Variants in CCDC122 observed in about 807,000 individuals in gnomAD.
The protein encoded by CCDC122 is coiled-coil domain containing 122.
Under a neutral mutation model 37.0 loss-of-function variants are expected in CCDC122, and 38 were observed. That is an observed-to-expected ratio of 1.03 (90% CI 0.79 to 1.35). The LOEUF is 1.35. Among genes scored for constraint, CCDC122 ranks in the 40% most tolerant of loss-of-function variants. The pLI is 0.00. For synonymous variants in CCDC122, 83 were observed against 95.6 expected (o/e 0.87, Z 0.77); for missense variants, 305 against 310.0 (o/e 0.98, Z 0.12).
chr13:43,875,928 G>A (rs1954596116), intron 1 of CCDC122, among the ~76,000 whole-genome samples: 2 of 152,170 alleles, frequency 1.3e-5, no homozygotes, highest in South Asian at 4.1e-4. Context: ...TCATTTGATT[G>A]ATCTTCATTT....
intron 5 of CCDC122, 61 bp downstream of exon 5, chr13:43,859,611 T>C (rs1050267760): frequency 1.2e-5 from 15 of 1,220,774 alleles, no homozygotes; most frequent in Non-Finnish European, 1.5e-5. Context: ...TATCATTTAA[T>C]GTATGTACTT....
intron 4 of CCDC122, among the ~76,000 whole-genome samples, chr13:43,862,618 T>A (rs1051798747): frequency 3.9e-5 from 6 of 152,150 alleles, no homozygotes; most frequent in Non-Finnish European, 7.4e-5. Flanking sequence ...ATTACCACCA[T>A]CTTCCCACTG....
intron 1 of CCDC122, among the ~76,000 whole-genome samples, chr13:43,878,416 G>T (rs1387908706): frequency 2.0e-5 from 3 of 152,194 alleles, no homozygotes; most frequent in African/African-American, 7.2e-5. Flanking sequence ...TAGGGTTATT[G>T]AAGGGTGGGT....
chr13:43,878,621 T>C (rs1321242343), intron 1 of CCDC122, among the ~76,000 whole-genome samples: 3 of 152,336 alleles, frequency 2.0e-5, no homozygotes, highest in Non-Finnish European at 2.9e-5. Flanking sequence ...CCATTTCTCT[T>C]ACTCTTGGAA....
Position 43,869,449 on chromosome 13 carries a change from A to T in CCDC122, c.-73T>A. On this transcript the variant is annotated 5_prime_UTR_variant, in exon 3 of 7. Transcript: ENST00000444614. ...CTCCTACTCAATAATCTATATTGATAATCTTTCACTTTTGTTTTTTCCTGT... is the reference window on the plus strand; with the variant it reads ...CTCCTACTCAATAATCTATATTGATTATCTTTCACTTTTGTTTTTTCCTGT... 6.4e-6 allele frequency: 8 copies of T among 1,242,398 alleles called. No individual in the cohort carries two copies. In the South Asian group the frequency reaches 1.1e-4, roughly 17 times the overall value. The allele number at this position is 1,242,398 out of a possible 1,614,324, so 77.0% of individuals were successfully genotyped here.
intron 6 of CCDC122, among the ~76,000 whole-genome samples, chr13:43,851,685 C>G (rs1042896121): frequency 1.1e-3 from 168 of 152,318 alleles, no homozygotes; most frequent in Non-Finnish European, 1.8e-4. Flanking sequence ...TATCACTGCA[C>G]TACTGAACAC....
intron 6 of CCDC122, among the ~76,000 whole-genome samples, chr13:43,851,613 T>C (rs1953733683): frequency 6.6e-6 from 1 of 152,174 alleles, no homozygotes; most frequent in Non-Finnish European, 1.5e-5. Context: ...CTGATGAGTG[T>C]GCACCCCACT....
chr13:43,868,383 T>C lies in CCDC122; in HGVS notation c.156+311A>G, dbSNP rs965136122. Among the ~76,000 whole-genome samples, 8 of 152,140 alleles carry C rather than the reference T, an allele frequency of 5.3e-5. No homozygotes were observed. The East Asian group carries it at 1.5e-3, about 29-fold the overall frequency. ...AGCTTTACAAACACTGGCTTAAAACTTAACCTTCCTTCAATTCAGCATTTT... is the reference window on the plus strand; with the variant it reads ...AGCTTTACAAACACTGGCTTAAAACCTAACCTTCCTTCAATTCAGCATTTT... On this transcript the variant is annotated intron_variant, in intron 4 of 6. Coordinates refer to ENST00000444614, the MANE Select transcript of CCDC122 (RefSeq NM_144974.5).
intron 6 of CCDC122, among the ~76,000 whole-genome samples, chr13:43,847,138 C>T (rs1953567074): frequency 6.6e-6 from 1 of 152,104 alleles, no homozygotes. Flanking sequence ...AGATATTTTG[C>T]AGCAGTTAAA....
intron 6 of CCDC122, among the ~76,000 whole-genome samples, chr13:43,840,337 T>G (rs1594818108): frequency 6.6e-6 from 1 of 152,226 alleles, no homozygotes; most frequent in Non-Finnish European, 1.5e-5. Flanking sequence ...ACAGGTAGTA[T>G]GTGTAGTATT....
In CCDC122 at chr13:43,837,018, C is replaced by A. The variant is rs1953186447; in HGVS notation, c.*262G>T. The A allele has an allele frequency of 5.7e-6, 2 of 353,040 alleles. No homozygotes were observed. The highest frequency in any genetic ancestry group is 4.9e-5 in the East Asian group (1 of 20,374). 21.9% of individuals were successfully genotyped at this position (353,040 alleles called of 1,614,324 possible). On this transcript the variant is annotated 3_prime_UTR_variant, in exon 7 of 7. Transcript: ENST00000444614. The stretch of plus-strand genomic sequence containing the variant: ...ATTCATGAGTATAATACATTTTACA[C>A]ACTCCAAATAGTCACAGAGACTCTT...
downstream of CCDC122, among the ~76,000 whole-genome samples, chr13:43,819,430 C>G (rs781481582): frequency 7.6e-4 from 115 of 152,132 alleles, no homozygotes; most frequent in Non-Finnish European, 1.4e-3. Context: ...CAAAAGATTA[C>G]AAACAACCCA....
rs138343596 is a variant in CCDC122, at chr13:43,856,458, G to A, written c.672+2323C>T. 690 of 152,636 alleles carry A rather than the reference G, an allele frequency of 4.5e-3. 4 individuals are homozygous for A. The highest frequency in any genetic ancestry group is 5.4e-3 in the Non-Finnish European group (372 of 68,382). The allele number at this position is 152,636 out of a possible 1,614,324, so 9.5% of individuals were successfully genotyped here. A position where few individuals can be genotyped will look rare whatever the true frequency, so the allele number is the denominator to read the frequency against. ...ATCCTGGCTAACATGGTGAAACCCC[G>A]TCTCTACTAAAAATGCAAAAAATTA... On this transcript the variant is annotated intron_variant, in intron 6 of 6. Coordinates refer to ENST00000444614, the MANE Select transcript of CCDC122 (RefSeq NM_144974.5).
At chr13:43,848,905 AAG>A in intron 6 of CCDC122, 1 of 980,356 alleles carries the variant, frequency 1.0e-6, no homozygotes, top group Non-Finnish European at 1.2e-6. Flanking sequence ...AGACTCCAAA[AAG>A]AAGTAATAAA....
chr13:43,835,565 T>C (rs1268063552), downstream of CCDC122, among the ~76,000 whole-genome samples: 2 of 152,208 alleles, frequency 1.3e-5, no homozygotes, highest in Non-Finnish European at 2.9e-5. Flanking sequence ...GAAAACTACA[T>C]TAAAACTTAC....
At chr13:43,834,466 A>C (rs1428625787), downstream of CCDC122, among the ~76,000 whole-genome samples, 3 of 152,246 alleles carry the variant, frequency 2.0e-5, no homozygotes, top group Non-Finnish European at 4.4e-5. Flanking sequence ...AATGGGATCT[A>C]ATTAAACTAA....
chr13:43,854,151 G>C (rs1953831271), intron 6 of CCDC122: 1 of 40,060 alleles, frequency 2.5e-5, no homozygotes, highest in Admixed American at 2.4e-4. Context: ...GAAGGAGACT[G>C]AGACCAAAAA....
Position 43,853,715 on chromosome 13 carries a change from TTC to T in CCDC122, c.672+5064_672+5065del, listed in dbSNP as rs1422950523. 6.6e-5 allele frequency among the ~76,000 whole-genome samples: 10 copies of T among 152,302 alleles called. No individual in the cohort carries two copies. The East Asian group carries it at 1.9e-3, about 29-fold the overall frequency. ...TATTCTCATCGCCACATGGCACATA[TTC>T]TAAAATTAATCACATAATCAGAAAT... is the stretch of plus-strand genomic sequence containing the variant. On this transcript the variant is annotated intron_variant, in intron 6 of 6. Coordinates refer to ENST00000444614, the MANE Select transcript of CCDC122 (RefSeq NM_144974.5).
chr13:43,877,226 C>G (rs992050142), intron 1 of CCDC122, among the ~76,000 whole-genome samples: 1 of 152,108 alleles, frequency 6.6e-6, no homozygotes. Flanking sequence ...TTTATGGGTA[C>G]GGTTTATGCA....
Sources: gnomAD v4.1 joint callset for allele counts (sites outside exome capture counted in the v4.1 genomes callset) on GRCh38, gnomAD v4.1.1 for gene constraint, MANE v1.5 for transcripts, NCBI Gene and HGNC (gene_info 2026-07-23, HGNC 2026-07-21) for gene names.